Variants in DDX18 observed in about 807,000 individuals in gnomAD.
DDX18 encodes DEAD-box helicase 18.
DDX18 carries 23 observed loss-of-function variants against 73.5 expected under a neutral mutation model. The ratio of observed to expected loss-of-function variants is 0.31; its 90% CI spans 0.23 to 0.44. DDX18 has a LOEUF of 0.44. DDX18 is among the 20% of genes least tolerant of loss of function. The probability of loss-of-function intolerance (pLI) is 1.00; values close to 1 mark genes in which losing one functional copy is unlikely to be tolerated. For synonymous variants in DDX18, 268 were observed against 282.7 expected, an observed-to-expected ratio of 0.95 and a Z score of 0.52; for missense variants, 753 against 792.9, an observed-to-expected ratio of 0.95 and a Z score of 0.60.
Position 117,825,434 on chromosome 2 carries a change from TATTTA to T in DDX18, c.1369-9_1369-5del, listed in dbSNP as rs755176748. 3.7e-6 allele frequency: 6 copies of T among 1,605,992 alleles called. No homozygotes were observed. The highest frequency in any genetic ancestry group is 2.2e-5 in the East Asian group (1 of 44,708). ...AGATTCCAGCTCTAATGGATGTTTT[TATTTA>T]ATTCTAGGGAAAGCAAAAGCAAAAT... On this transcript the variant is annotated splice_region_variant and splice_polypyrimidine_tract_variant and intron_variant, in intron 9 of 13. Transcript: ENST00000263239.
At chr2:117,823,626 A>C (rs935288643) in intron 7 of DDX18, among the ~76,000 whole-genome samples, 2 of 151,890 alleles carry the variant, frequency 1.3e-5, no homozygotes, top group African/African-American at 4.8e-5. Context: ...AGACAGTTTC[A>C]CCTCTTTATT....
chr2:117,816,340 C>T (rs1018784799), intron 1 of DDX18, among the ~76,000 whole-genome samples: 1 of 152,190 alleles, frequency 6.6e-6, no homozygotes, highest in African/African-American at 2.4e-5. Flanking sequence ...TAACACTTAG[C>T]TTACAACACA....
Position 117,828,719 on chromosome 2 carries a change from CTG to C in DDX18, c.1636-226_1636-225del, listed in dbSNP as rs552689482. The stretch of plus-strand genomic sequence containing the variant: ...TTCTTACAGAAAAGTGCTTTACTGA[CTG>C]TGTCCCTATCCAGTTCCTTGCCTTT... On this transcript the variant is annotated intron_variant, in intron 11 of 13. Transcript: ENST00000263239. 825 of 508,212 alleles carry C rather than the reference CTG, an allele frequency of 1.6e-3. 5 individuals are homozygous for C. Among genetic ancestry groups the C allele is most frequent in the African/African-American group, 0.014 (730 of 51,666 alleles). 31.5% of individuals were successfully genotyped at this position (508,212 alleles called of 1,614,324 possible). A position where few individuals can be genotyped will look rare whatever the true frequency, so the allele number is the denominator to read the frequency against.
chr2:117,824,597 C>A lies in DDX18; in HGVS notation c.1095C>A (p.Ala365=). Residue 365 remains alanine (A), a synonymous_variant, in exon 8 of 14, where the codon GCC becomes GCA. Coordinates refer to ENST00000263239, the MANE Select transcript of DDX18 (RefSeq NM_006773.4). ...PTRRQTMLFS[A]TQTRKVEDLA... is the part of the protein sequence containing the mutation. The stretch of plus-strand genomic sequence containing the variant: ...GTAGACAGACTATGCTCTTTTCTGC[C>A]ACCCAAACTCGAAAAGTTGAAGACC... The A allele has an allele frequency of 6.8e-7, 1 of 1,478,800 alleles. No homozygotes were observed. The highest frequency in any genetic ancestry group is 9.0e-7 in the Non-Finnish European group (1 of 1,115,468). The allele number at this position is 1,478,800 out of a possible 1,614,324, so 91.6% of individuals were successfully genotyped here.
intron 7 of DDX18, 124 bp from the exon 8 acceptor site, chr2:117,824,445 G>C: frequency 1.1e-6 from 1 of 922,432 alleles, no homozygotes. Flanking sequence ...TGTAATATTT[G>C]TAGATTCTGT....
chr2:117,818,634 A>G (rs756305884), intron 2 of DDX18, among the ~76,000 whole-genome samples: 2 of 152,144 alleles, frequency 1.3e-5, no homozygotes, highest in Non-Finnish European at 2.9e-5. Context: ...GCTCCCAAGC[A>G]TTGAATCACA....
chr2:117,823,311 C>T (rs188385982), intron 7 of DDX18, among the ~76,000 whole-genome samples: 1 of 152,252 alleles, frequency 6.6e-6, no homozygotes, highest in Admixed American at 6.5e-5. Flanking sequence ...TAAGGTATAT[C>T]TCCATGTATT....
rs1428839176 is a variant in DDX18, at chr2:117,831,906, T to G, written c.*1182T>G. ...AAAGTTGCTAGCATCATTTTGCTGT[T>G]GTGCCAGTTAATCATAGGATCCCAT... On this transcript the variant is annotated 3_prime_UTR_variant, in exon 14 of 14. Coordinates refer to ENST00000263239, the MANE Select transcript of DDX18 (RefSeq NM_006773.4). The G allele has an allele frequency of 6.6e-6, 1 of 152,254 alleles. No homozygotes were observed. Among genetic ancestry groups the G allele is most frequent in the Non-Finnish European group, 1.5e-5 (1 of 68,046 alleles). The allele number at this position is 152,254 out of a possible 1,614,324, so 9.4% of individuals were successfully genotyped here. A position where few individuals can be genotyped will look rare whatever the true frequency, so the allele number is the denominator to read the frequency against.
chr2:117,819,568 A>G (rs980675174), intron 2 of DDX18, 81 bp from the exon 3 acceptor site: 33 of 1,216,372 alleles, frequency 2.7e-5, no homozygotes, highest in Non-Finnish European at 3.6e-5. Context: ...TCTTTATATC[A>G]GAGATCTTCT....
Position 117,826,507 on chromosome 2 carries a change from A to C in DDX18, c.1635+125A>C, listed in dbSNP as rs1679930670. On this transcript the variant is annotated intron_variant, in intron 11 of 13. Coordinates refer to ENST00000263239, the MANE Select transcript of DDX18 (RefSeq NM_006773.4). ...TGTTACAACCATTCTTATGGCAATTAAGCAAGTAAGGTTTTATGTACTTCT... is the reference window on the plus strand; with the variant it reads ...TGTTACAACCATTCTTATGGCAATTCAGCAAGTAAGGTTTTATGTACTTCT... The C allele has an allele frequency of 7.1e-6, 6 of 849,040 alleles. No homozygotes were observed. The Admixed American group carries it at 1.4e-4, about 20-fold the overall frequency. 52.6% of individuals were successfully genotyped at this position (849,040 alleles called of 1,614,324 possible). A position where few individuals can be genotyped will look rare whatever the true frequency, so the allele number is the denominator to read the frequency against.
intron 1 of DDX18, chr2:117,815,871 C>T (rs1339690886): frequency 6.6e-6 from 1 of 152,084 alleles, no homozygotes; most frequent in East Asian, 1.9e-4. Context: ...GGGCTTTTGT[C>T]GTTTTGCGAA....
In DDX18 at chr2:117,829,348, G is replaced by A. The variant is rs748026311; in HGVS notation, c.1752G>A (p.Lys584=). 6.2e-7 allele frequency: 1 copy of A among 1,613,890 alleles called. No homozygotes were observed. Among genetic ancestry groups the A allele is most frequent in the Non-Finnish European group, 8.5e-7 (1 of 1,179,922 alleles). ...ATAAGTCAGCCCAGGAAGCATATAA[G>A]TCATACATACGAGCCTATGATTCCC... ...FLHKSAQEAY[K]SYIRAYDSHS... Residue 584 remains lysine, a synonymous_variant, in exon 13 of 14, where the codon AAG becomes AAA. Coordinates refer to ENST00000263239, the MANE Select transcript of DDX18 (RefSeq NM_006773.4).
chr2:117,826,215 A>AT, intron 10 of DDX18, 54 bp from the exon 11 acceptor site: 4 of 1,499,544 alleles, frequency 2.7e-6, no homozygotes, highest in Non-Finnish European at 3.7e-6. Flanking sequence ...AGATACGCAA[A>AT]TGGGCTCATG....
intron 3 of DDX18, 144 bp downstream of exon 3, chr2:117,819,936 T>A: frequency 1.3e-6 from 1 of 741,826 alleles, no homozygotes; most frequent in Non-Finnish European, 1.9e-6. Context: ...ATCTTTCTGC[T>A]GCTTTTTCTC....
chr2:117,819,136 A>G (rs1009618326), intron 2 of DDX18, among the ~76,000 whole-genome samples: 3 of 152,186 alleles, frequency 2.0e-5, no homozygotes, highest in African/African-American at 7.2e-5. Flanking sequence ...TTGGGGCCAC[A>G]TGAAAGTTGT....
In DDX18 at chr2:117,831,569, AT is replaced by A. The variant is rs1239701582; in HGVS notation, c.*848del. 5 of 152,156 alleles carry A rather than the reference AT, an allele frequency of 3.3e-5. No homozygotes were observed. The highest frequency in any genetic ancestry group is 1.2e-4 in the African/African-American group (5 of 41,436). 9.4% of individuals were successfully genotyped at this position (152,156 alleles called of 1,614,324 possible). A position where few individuals can be genotyped will look rare whatever the true frequency, so the allele number is the denominator to read the frequency against. The stretch of plus-strand genomic sequence containing the variant: ...ATTTGTTTAATTCAAGGTGGTTTGG[AT>A]TTGGTAAGCCTTTGCACTCTGTAGA... On this transcript the variant is annotated 3_prime_UTR_variant, in exon 14 of 14. Transcript: ENST00000263239.
At position 117,817,539 on chromosome 2, in the gene DDX18, A is replaced by G; in HGVS notation, c.181A>G (p.Met61Val). 3.7e-6 allele frequency: 6 copies of G among 1,613,990 alleles called. No individual in the cohort carries two copies. The highest frequency in any genetic ancestry group is 1.3e-5 in the African/African-American group (1 of 75,056). The change falls in exon 2 of 14, where the codon ATG becomes GTG. Residue 61 changes from methionine to valine, a missense_variant. Met to Val is a conservative substitution (Grantham distance 21). Transcript: ENST00000263239. The part of the protein sequence containing the change: ...RKVKKSKQKP[M>V]NVGLSETQNG... ...GGTTAAAAAATCAAAACAAAAGCCC[A>G]TGAATGTGGGCTTATCAGAAACTCA...
At chr2:117,827,746 A>G (rs1679957811) in intron 11 of DDX18, 1 of 152,138 alleles carries the variant, frequency 6.6e-6, no homozygotes, top group Non-Finnish European at 1.5e-5. Flanking sequence ...ATTGATGGGC[A>G]TTTGGGTTGG....
chr2:117,826,034 C>G (rs78576278), intron 10 of DDX18: 2 of 94,096 alleles, frequency 2.1e-5, no homozygotes, highest in Non-Finnish European at 3.5e-5. Flanking sequence ...CATGTCCAGC[C>G]TTTTTTTTTT....
Sources: allele counts gnomAD v4.1 joint callset (sites outside exome capture counted in the v4.1 genomes callset), GRCh38; gene constraint gnomAD v4.1.1; transcripts MANE v1.5; gene names NCBI Gene and HGNC (gene_info 2026-07-23, HGNC 2026-07-21).